Variants in ATP2B2 observed in about 807,000 individuals in gnomAD.
ATP2B2 encodes the protein plasma membrane calcium-transporting ATPase 2.
Under a neutral mutation model 120.0 loss-of-function variants are expected in ATP2B2, and 15 were observed. The observed-to-expected ratio is 0.12, with a 90% CI of 0.08 to 0.19. ATP2B2 has a LOEUF of 0.19. Among genes scored for constraint, ATP2B2 ranks in the 10% least tolerant of loss-of-function variants. The pLI is 1.00. For synonymous variants in ATP2B2, 694 were observed against 700.3 expected, an observed-to-expected ratio of 0.99 and a Z score of 0.14; for missense variants, 1,045 against 1,719.8, an observed-to-expected ratio of 0.61 and a Z score of 6.94.
chr3:10,691,387 A>G (rs2071660432), intron 1 of ATP2B2, among the ~76,000 whole-genome samples: 1 of 152,184 alleles, frequency 6.6e-6, no homozygotes, highest in African/African-American at 2.4e-5. Context: ...CAGGCCCCAC[A>G]TACCTCAGTA....
At chr3:10,524,663 C>T (rs1245508966) in intron 3 of ATP2B2, among the ~76,000 whole-genome samples, 1 of 152,182 alleles carries the variant, frequency 6.6e-6, no homozygotes, top group East Asian at 1.9e-4. Context: ...ACTTCCCTCC[C>T]TCATGTCAAT....
chr3:10,559,933 T>C (rs1327661195), intron 2 of ATP2B2, among the ~76,000 whole-genome samples: 1 of 152,112 alleles, frequency 6.6e-6, no homozygotes, highest in African/African-American at 2.4e-5. Flanking sequence ...CTACACTGAG[T>C]GATATGGTTT....
chr3:10,546,216 C>G (rs1247558864), intron 2 of ATP2B2, among the ~76,000 whole-genome samples: 1 of 152,216 alleles, frequency 6.6e-6, no homozygotes. Flanking sequence ...TCAGCCTCCC[C>G]AACTGCCCCC....
chr3:10,326,418 G>A lies in ATP2B2; in HGVS notation c.*2396C>T, dbSNP rs41147. The A allele has an allele frequency of 0.54, 159,561 of 295,902 alleles. 44,482 individuals are homozygous for A. The highest frequency in any genetic ancestry group is 0.7 in the South Asian group (4,244 of 6,044). The allele number at this position is 295,902 out of a possible 1,614,324, so 18.3% of individuals were successfully genotyped here. ...TCCACTGAGAACCCCTCCTGGCTCC[G>A]AATGAACATGGAGCATGGTGTGCAA... On this transcript the variant is annotated 3_prime_UTR_variant, in exon 23 of 23. Transcript: ENST00000360273.
Position 10,342,996 on chromosome 3 carries a change from G to A in ATP2B2, c.2704-31C>T. The A allele has an allele frequency of 6.2e-7, 1 of 1,606,934 alleles. No individual in the cohort carries two copies. Among genetic ancestry groups the A allele is most frequent in the African/African-American group, 1.3e-5 (1 of 74,910 alleles). On this transcript the variant is annotated intron_variant, in intron 18 of 22. Coordinates refer to ENST00000360273, the MANE Select transcript of ATP2B2 (RefSeq NM_001001331.4). This position sits in a 1 kb window ranked among gnomAD's most constrained non-coding sequence, Gnocchi z 4.4. ...GACGGGCAGGAGAGGGCTGTCACCT[G>A]TGCGCCCACCTGCTGCTGTGAAGTG...
At chr3:10,555,886 G>T (rs1341265016) in intron 2 of ATP2B2, among the ~76,000 whole-genome samples, 1 of 152,204 alleles carries the variant, frequency 6.6e-6, no homozygotes, top group Non-Finnish European at 1.5e-5. Context: ...CTTTGTGAGA[G>T]ACAGGTCAGA....
intron 3 of ATP2B2, among the ~76,000 whole-genome samples, chr3:10,512,976 C>T (rs1227684856): frequency 3.3e-5 from 5 of 152,200 alleles, no homozygotes; most frequent in Admixed American, 2.0e-4. Context: ...GCTTCTCCAT[C>T]GACTTATTTA....
At chr3:10,446,474 G>A (rs1441063380) in intron 2 of ATP2B2, among the ~76,000 whole-genome samples, 1 of 152,174 alleles carries the variant, frequency 6.6e-6, no homozygotes, top group East Asian at 1.9e-4. Context: ...AGCCCTGTGA[G>A]GTAGTCACTA....
intron 1 of ATP2B2, among the ~76,000 whole-genome samples, chr3:10,470,681 T>C (rs1406521279): frequency 1.3e-5 from 2 of 152,192 alleles, no homozygotes. Context: ...GGCAGAGTCC[T>C]GGGGTTGTGC....
chr3:10,704,998 A>C (rs948126100), intron 1 of ATP2B2, among the ~76,000 whole-genome samples: 2 of 152,250 alleles, frequency 1.3e-5, no homozygotes, highest in South Asian at 2.1e-4. Flanking sequence ...TCTTGCTGGC[A>C]ATCAGTTTGC....
At chr3:10,560,348 T>A (rs544627656) in intron 2 of ATP2B2, among the ~76,000 whole-genome samples, 2 of 152,278 alleles carry the variant, frequency 1.3e-5, no homozygotes, top group South Asian at 2.1e-4. Context: ...TCAGCAGATG[T>A]TCCTGGGAGG....
chr3:10,687,016 C>T (rs1286692734), intron 1 of ATP2B2, among the ~76,000 whole-genome samples: 1 of 152,244 alleles, frequency 6.6e-6, no homozygotes, highest in Non-Finnish European at 1.5e-5. Flanking sequence ...TGAAAGCCCA[C>T]AGGCTACTGA....
In ATP2B2 at chr3:10,340,850, C is replaced by T; in HGVS notation, c.2918-146G>A. The T allele has an allele frequency of 2.5e-6, 2 of 815,522 alleles. No homozygotes were observed. The highest frequency in any genetic ancestry group is 2.1e-6 in the Non-Finnish European group (1 of 487,712). 50.5% of individuals were successfully genotyped at this position (815,522 alleles called of 1,614,324 possible). On this transcript the variant is annotated intron_variant, in intron 19 of 22. Transcript: ENST00000360273. This position sits in a 1 kb window ranked among gnomAD's most constrained non-coding sequence, Gnocchi z 5.0. ...ATGCTTGGACAGTGGGGGGCCAGGG[C>T]TGTGCTGTCAGCTGGTCAGAGACTA...
At chr3:10,473,268 C>G (rs1575338618) in intron 1 of ATP2B2, among the ~76,000 whole-genome samples, 1 of 152,330 alleles carries the variant, frequency 6.6e-6, no homozygotes, top group Non-Finnish European at 1.5e-5. Context: ...TAATGAGCAC[C>G]TACTGTATGC....
chr3:10,449,517 A>C lies in ATP2B2; in HGVS notation c.27T>G (p.Phe9Leu). 6.2e-7 allele frequency: 1 copy of C among 1,614,226 alleles called. No homozygotes were observed. Among genetic ancestry groups the C allele is most frequent in the Non-Finnish European group, 8.5e-7 (1 of 1,180,038 alleles). MGDMTNSD[F>L]YSKNQRNESS... ...ACTCATTTCTTTGGTTTTTGGAGTA[A>C]AAGTCGCTGTTGGTCATGTCACCCA... The change falls in exon 2 of 23, where the codon TTT becomes TTG. Residue 9 changes from phenylalanine to leucine, a missense_variant. By Grantham distance (22) the Phe-to-Leu change is conservative. Coordinates refer to ENST00000360273, the MANE Select transcript of ATP2B2 (RefSeq NM_001001331.4).
intron 3 of ATP2B2, among the ~76,000 whole-genome samples, chr3:10,408,753 C>A (rs2062504596): frequency 6.6e-6 from 1 of 152,124 alleles, no homozygotes; most frequent in Admixed American, 6.5e-5. Flanking sequence ...CCTCCTGGCA[C>A]ACATGAGGCG....
At chr3:10,389,134 G>A (rs1277247503) in intron 5 of ATP2B2, among the ~76,000 whole-genome samples, 1 of 152,226 alleles carries the variant, frequency 6.6e-6, no homozygotes, top group Non-Finnish European at 1.5e-5. Flanking sequence ...TTCTCAAACT[G>A]GGTTCCAAAG....
chr3:10,369,616 A>G (rs1056961751), intron 12 of ATP2B2, among the ~76,000 whole-genome samples: 2 of 152,130 alleles, frequency 1.3e-5, no homozygotes, highest in Admixed American at 6.5e-5. Flanking sequence ...GGGTGATTTT[A>G]TTGCTGAATA....
At chr3:10,585,619 CTTCT>C (rs1404437479) in intron 2 of ATP2B2, among the ~76,000 whole-genome samples, 15 of 151,746 alleles carry the variant, frequency 9.9e-5, no homozygotes, top group Admixed American at 3.9e-4. Context: ...CTCTACTGGC[CTTCT>C]TTCTGTCTCA....
Sources: allele counts gnomAD v4.1 joint callset (sites outside exome capture counted in the v4.1 genomes callset), GRCh38; gene constraint gnomAD v4.1.1; non-coding constraint Gnocchi (gnomAD v3.1); transcripts MANE v1.5; gene names NCBI Gene and HGNC (gene_info 2026-07-23, HGNC 2026-07-21).